Variants in PEX14 observed in about 807,000 individuals in gnomAD.
The protein encoded by PEX14 is peroxisomal biogenesis factor 14.
A neutral mutation model predicts 49.5 loss-of-function variants in PEX14; 15 were observed. That is an observed-to-expected ratio of 0.30 (90% CI 0.20 to 0.47). PEX14 has a LOEUF of 0.47. Among genes scored for constraint, PEX14 ranks in the 20% least tolerant of loss-of-function variants. PEX14 has a pLI of 1.00. For missense variants in PEX14, 398 were observed against 494.8 expected, an observed-to-expected ratio of 0.80 and a Z score of 1.86; for synonymous variants, 210 against 212.7, an observed-to-expected ratio of 0.99 and a Z score of 0.11.
chr1:10,581,730 ATAAT>A (rs1368857080), intron 3 of PEX14, among the ~76,000 whole-genome samples: 6 of 146,796 alleles, frequency 4.1e-5, no homozygotes, highest in South Asian at 2.2e-4. Flanking sequence ...TAAGTTTATA[ATAAT>A]TTATATTTTA....
At chr1:10,580,230 T>C (rs898682400) in intron 3 of PEX14, among the ~76,000 whole-genome samples, 5 of 151,970 alleles carry the variant, frequency 3.3e-5, no homozygotes, top group South Asian at 2.1e-4. Flanking sequence ...TTAAGACTCT[T>C]TTTCTTTTTT....
chr1:10,627,316 C>T lies in PEX14; in HGVS notation c.630C>T (p.Asn210=). 2 of 1,613,728 alleles carry T rather than the reference C, an allele frequency of 1.2e-6. No homozygotes were observed. The highest frequency in any genetic ancestry group is 1.7e-6 in the Non-Finnish European group (2 of 1,179,726). The change falls in exon 8 of 9, where the codon AAC becomes AAT. Residue 210 remains asparagine (N), a synonymous_variant. Transcript: ENST00000356607. ...TNWILESQNI[N]ELKSEINSLK... ...GGATCCTGGAGTCCCAGAATATCAA[C>T]GAACTCAAGTCCGAAATTAACTCCT...
At chr1:10,568,338 C>A (rs867267793) in intron 3 of PEX14, among the ~76,000 whole-genome samples, 1,784 of 81,856 alleles carry the variant, frequency 0.022, 91 homozygotes, top group African/African-American at 0.075. Context: ...CCCCCCCCCC[C>A]ACTCCCACTA....
At chr1:10,580,716 A>G (rs1570301441) in intron 3 of PEX14, among the ~76,000 whole-genome samples, 1 of 152,230 alleles carries the variant, frequency 6.6e-6, no homozygotes, top group Non-Finnish European at 1.5e-5. Context: ...TTAAAAAAAA[A>G]TACTAAGAAA....
chr1:10,615,773 A>G (rs527401017), intron 4 of PEX14, among the ~76,000 whole-genome samples: 65 of 152,352 alleles, frequency 4.3e-4, no homozygotes, highest in African/African-American at 1.4e-3. Flanking sequence ...GAAGTGGAAT[A>G]TCCTGCAGCT....
chr1:10,595,122 CT>C (rs904314021), intron 3 of PEX14, among the ~76,000 whole-genome samples: 3 of 152,176 alleles, frequency 2.0e-5, no homozygotes, highest in African/African-American at 7.2e-5. Context: ...GGGAGCTCTT[CT>C]GGAGGTTTTT....
chr1:10,575,450 A>T (rs935163233), intron 3 of PEX14, among the ~76,000 whole-genome samples: 1 of 152,214 alleles, frequency 6.6e-6, no homozygotes, highest in East Asian at 1.9e-4. Flanking sequence ...TAATTTTTCA[A>T]CACCCATGGT....
At chr1:10,540,336 T>G (rs1467961769) in intron 3 of PEX14, among the ~76,000 whole-genome samples, 1 of 152,240 alleles carries the variant, frequency 6.6e-6, no homozygotes, top group Non-Finnish European at 1.5e-5. Flanking sequence ...TTTTTATCAT[T>G]TACGTCTATT....
At chr1:10,625,329 G>T (rs563395330) in intron 7 of PEX14, among the ~76,000 whole-genome samples, 18 of 152,318 alleles carry the variant, frequency 1.2e-4, no homozygotes, top group South Asian at 1.0e-3. Context: ...CCACAGCTCT[G>T]TGGCCGGCGG....
chr1:10,520,426 T>A (rs1638250035), intron 2 of PEX14, among the ~76,000 whole-genome samples: 1 of 152,176 alleles, frequency 6.6e-6, no homozygotes, highest in South Asian at 2.1e-4. Flanking sequence ...CCCAGAGTGC[T>A]GGATTATAGT....
intron 1 of PEX14, among the ~76,000 whole-genome samples, chr1:10,484,213 T>A (rs970662379): frequency 1.3e-5 from 2 of 151,300 alleles, no homozygotes; most frequent in Non-Finnish European, 2.9e-5. Context: ...TTTTTTTGAA[T>A]TTTTAGTAGA....
chr1:10,563,463 G>A (rs1019232884), intron 3 of PEX14, among the ~76,000 whole-genome samples: 18 of 151,712 alleles, frequency 1.2e-4, no homozygotes, highest in African/African-American at 4.1e-4. Flanking sequence ...TTGCATTTTT[G>A]TATTTGTATG....
chr1:10,480,146 G>A (rs1204906216), intron 1 of PEX14, among the ~76,000 whole-genome samples: 1 of 152,008 alleles, frequency 6.6e-6, no homozygotes, highest in Non-Finnish European at 1.5e-5. Context: ...AGTTTTGAGA[G>A]TCTGTTGAAC....
intron 3 of PEX14, among the ~76,000 whole-genome samples, chr1:10,595,682 G>A (rs1640815390): frequency 2.0e-5 from 3 of 152,250 alleles, no homozygotes; most frequent in South Asian, 4.1e-4. Context: ...GGACGGTGAA[G>A]CCCTTTGCTT....
At chr1:10,621,226 G>A (rs1029024825) in intron 5 of PEX14, among the ~76,000 whole-genome samples, 7 of 151,084 alleles carry the variant, frequency 4.6e-5, no homozygotes, top group African/African-American at 7.3e-5. Flanking sequence ...AAAAGCCCTC[G>A]ACTGGCTTTA....
intron 2 of PEX14, among the ~76,000 whole-genome samples, chr1:10,524,745 G>A (rs1638417425): frequency 6.6e-6 from 1 of 152,188 alleles, no homozygotes; most frequent in African/African-American, 2.4e-5. Context: ...CCAGGCTAGA[G>A]TGAAGCAGTA....
chr1:10,546,387 G>A (rs1017401644), intron 3 of PEX14, among the ~76,000 whole-genome samples: 1 of 151,444 alleles, frequency 6.6e-6, no homozygotes, highest in African/African-American at 2.4e-5. Flanking sequence ...CCAACATGGC[G>A]AAACCCTGTC....
In PEX14 at chr1:10,627,348, G is replaced by C; in HGVS notation, c.662G>C (p.Gly221Ala). 1 of 1,610,364 alleles carries C rather than the reference G, an allele frequency of 6.2e-7. No homozygotes were observed. The highest frequency in any genetic ancestry group is 8.5e-7 in the Non-Finnish European group (1 of 1,176,686). Residue 221 changes from glycine to alanine, a missense_variant, in exon 8 of 9, where the codon GGG becomes GCG. By Grantham distance (60) the Gly-to-Ala change is moderately conservative. Around this residue, in one of 3 missense-constraint regions of PEX14, gnomAD observed 202 missense variants for 298.5 expected, o/e 0.68. Coordinates refer to ENST00000356607, the MANE Select transcript of PEX14 (RefSeq NM_004565.3). ...AAGTCCGAAATTAACTCCTTGAAAG[G>C]GCTTCTTTTAAATCGGTAGGAGGGA... ...ELKSEINSLK[G>A]LLLNRRQFPP...
intron 3 of PEX14, among the ~76,000 whole-genome samples, chr1:10,583,945 G>A (rs948909900): frequency 1.3e-5 from 2 of 151,608 alleles, no homozygotes; most frequent in African/African-American, 2.4e-5. Context: ...GTAAGGTTGT[G>A]TAGGGCAACA....
Sources: gnomAD v4.1 joint callset for allele counts (sites outside exome capture counted in the v4.1 genomes callset) on GRCh38, gnomAD v4.1.1 for gene constraint, gnomAD v4.1.1 regional missense constraint, MANE v1.5 for transcripts, NCBI Gene and HGNC (gene_info 2026-07-23, HGNC 2026-07-21) for gene names.